The following TSPEAR variants were observed in gnomAD, a reference collection of about 807,000 sequenced individuals.
TSPEAR encodes the protein thrombospondin-type laminin G domain and EAR repeat-containing protein.
In TSPEAR, 69 loss-of-function variants were observed where a neutral mutation model predicts 71.6. That is an observed-to-expected ratio of 0.96 (90% CI 0.79 to 1.18). The LOEUF (loss-of-function observed/expected upper bound fraction) is 1.18. Ranked by LOEUF, TSPEAR falls within the 50% of genes most tolerant of loss-of-function variation. The pLI is 0.00. For synonymous variants in TSPEAR, 402 were observed against 387.2 expected, an observed-to-expected ratio of 1.04 and a Z score of -0.45; for missense variants, 971 against 894.9, an observed-to-expected ratio of 1.09 and a Z score of -1.09.
At chr21:44,568,881 G>A (rs1219636789) in intron 1 of TSPEAR, among the ~76,000 whole-genome samples, 1 of 152,166 alleles carries the variant, frequency 6.6e-6, no homozygotes, top group Non-Finnish European at 1.5e-5. Context: ...AGGGTGTTGG[G>A]TCAGTCCACT....
rs781890752 is a variant in TSPEAR at position 44,579,818 on chromosome 21, G to T, written c.83-11813C>A. 5.6e-6 allele frequency: 9 copies of T among 1,609,970 alleles called. No homozygotes were observed. In the South Asian group the frequency reaches 8.9e-5, roughly 16 times the overall value. ...GCAGAGGAGGGACACGCAGGAGGCC[G>T]GGCGGCAGCAGCTGGCCTGGTAGGA... is the stretch of plus-strand genomic sequence containing the variant. On this transcript the variant is annotated intron_variant, in intron 1 of 11. Coordinates refer to ENST00000323084, the MANE Select transcript of TSPEAR (RefSeq NM_144991.3).
intron 1 of TSPEAR, chr21:44,637,453 C>T (rs587736574): frequency 6.2e-7 from 1 of 1,612,594 alleles, no homozygotes; most frequent in East Asian, 2.2e-5. Flanking sequence ...GCTCCAGCGC[C>T]TGCACTGACT....
chr21:44,694,578 A>T (rs1270580224), intron 1 of TSPEAR, among the ~76,000 whole-genome samples: 1 of 152,232 alleles, frequency 6.6e-6, no homozygotes, highest in East Asian at 1.9e-4. Flanking sequence ...TATGCTATGT[A>T]TATTTTACCA....
intron 2 of TSPEAR, among the ~76,000 whole-genome samples, chr21:44,538,490 G>A (rs1452132344): frequency 2.1e-5 from 3 of 145,758 alleles, no homozygotes; most frequent in Admixed American, 6.9e-5. Flanking sequence ...GCCTCCATCC[G>A]CCCACCCCAT....
chr21:44,582,049 C>T (rs1274290664), intron 1 of TSPEAR, among the ~76,000 whole-genome samples: 1 of 152,090 alleles, frequency 6.6e-6, no homozygotes, highest in Non-Finnish European at 1.5e-5. Context: ...AGAGGTTGTG[C>T]GAGAACTGTG....
intron 1 of TSPEAR, among the ~76,000 whole-genome samples, chr21:44,688,955 C>T (rs1291492591): frequency 6.6e-6 from 1 of 152,108 alleles, no homozygotes; most frequent in Non-Finnish European, 1.5e-5. Context: ...GGGCTCCCAT[C>T]GCTTTTACTC....
chr21:44,540,295 G>T, intron 2 of TSPEAR: 1 of 1,350,484 alleles, frequency 7.4e-7, no homozygotes, highest in Non-Finnish European at 1.0e-6. Flanking sequence ...TGTTGTTCCA[G>T]GGCCCACAGC....
intron 2 of TSPEAR, among the ~76,000 whole-genome samples, chr21:44,538,398 C>T (rs587708995): frequency 6.8e-6 from 1 of 147,424 alleles, no homozygotes; most frequent in Admixed American, 6.9e-5. Context: ...GGCTCCTTGT[C>T]CCTACACCTG....
Position 44,682,204 on chromosome 21 carries a change from A to G in TSPEAR, c.82+29229T>C, listed in dbSNP as rs368599627. 3.5e-4 allele frequency: 522 copies of G among 1,508,582 alleles called. 9 individuals are homozygous for G. In the South Asian group the frequency reaches 6.0e-3, roughly 17 times the overall value. 93.4% of individuals were successfully genotyped at this position (1,508,582 alleles called of 1,614,324 possible). ...CTCCCTGGGTAGCCTTTATACCTGG[A>G]CCCAGGCATCCCCACAGCACAGAAG... On this transcript the variant is annotated intron_variant, in intron 1 of 11. Transcript: ENST00000323084.
Position 44,612,111 on chromosome 21 carries a change from C to T in TSPEAR, c.83-44106G>A. The T allele has an allele frequency of 1.2e-6, 2 of 1,613,388 alleles. No individual in the cohort carries two copies. The highest frequency in any genetic ancestry group is 1.7e-6 in the Non-Finnish European group (2 of 1,179,700). ...AGTCCAGCACCCACCATGGCTGACG[C>T]CTGCTGCACCAGGACGTATGTGATT... On this transcript the variant is annotated intron_variant, in intron 1 of 11. Coordinates refer to ENST00000323084, the MANE Select transcript of TSPEAR (RefSeq NM_144991.3). This position sits in a 1 kb window ranked among gnomAD's most constrained non-coding sequence, Gnocchi z 4.1.
At chr21:44,622,754 A>G (rs1320764516) in intron 1 of TSPEAR, among the ~76,000 whole-genome samples, 1 of 152,180 alleles carries the variant, frequency 6.6e-6, no homozygotes, top group African/African-American at 2.4e-5. Context: ...ATCTACAAAG[A>G]CCCTATTTCT....
chr21:44,599,167 T>TCTCTCTCTCTCTCTCTCTCTCTCC (rs1246750490), intron 1 of TSPEAR, among the ~76,000 whole-genome samples: 1 of 137,568 alleles, frequency 7.3e-6, no homozygotes, highest in Non-Finnish European at 1.5e-5. Context: ...TCTCTCTCTC[T>TCTCTCTCTCTCTCTCTCTCTCTCC]CTCTCCTTCC....
At chr21:44,652,920 G>T (rs1984897738) in intron 1 of TSPEAR, among the ~76,000 whole-genome samples, 1 of 152,180 alleles carries the variant, frequency 6.6e-6, no homozygotes, top group East Asian at 1.9e-4. Flanking sequence ...ACTTTGGGAG[G>T]CCGAGGCGGG....
intron 1 of TSPEAR, among the ~76,000 whole-genome samples, chr21:44,659,731 A>C (rs782682113): frequency 2.6e-5 from 4 of 152,178 alleles, no homozygotes; most frequent in Non-Finnish European, 5.9e-5. Context: ...GGCTGCAGTG[A>C]GCTGAGATTG....
chr21:44,551,509 TGTGTGTGA>T lies in TSPEAR; in HGVS notation c.303+16268_303+16275del, dbSNP rs1470326413. 1.9e-6 allele frequency: 3 copies of T among 1,543,406 alleles called. No homozygotes were observed. The African/African-American group carries it at 4.2e-5, about 21-fold the overall frequency. ...GGGGAGGTGTGTGAGTGAGTGAGTG[TGTGTGTGA>T]GTGTGTGAGTGAGTGTGTGTGTGAG... On this transcript the variant is annotated intron_variant, in intron 2 of 11. Coordinates refer to ENST00000323084, the MANE Select transcript of TSPEAR (RefSeq NM_144991.3).
intron 11 of TSPEAR, 140 bp from the exon 12 acceptor site, chr21:44,500,076 G>A (rs1271574259): frequency 1.1e-5 from 9 of 847,816 alleles, no homozygotes; most frequent in South Asian, 3.7e-5. Context: ...CTGGCACAGC[G>A]TGGGGAGATC....
chr21:44,563,445 T>A (rs233260), intron 2 of TSPEAR, among the ~76,000 whole-genome samples: 1 of 152,116 alleles, frequency 6.6e-6, no homozygotes, highest in Admixed American at 6.5e-5. Flanking sequence ...TCAAAATAAG[T>A]ATATGGTAAA....
intron 1 of TSPEAR, among the ~76,000 whole-genome samples, chr21:44,578,168 A>G (rs144267): frequency 0.92 from 140,389 of 152,236 alleles, 65,107 homozygotes; most frequent in Non-Finnish European, 0.97. Context: ...TATTAGCACC[A>G]TGAAAATGAA....
At chr21:44,524,150 G>C (rs587694699) in intron 8 of TSPEAR, among the ~76,000 whole-genome samples, 2 of 151,796 alleles carry the variant, frequency 1.3e-5, no homozygotes, top group African/African-American at 4.8e-5. Flanking sequence ...TAGTCAGTCA[G>C]CTAGTCAAGT....
Sources: allele counts gnomAD v4.1 joint callset (sites outside exome capture counted in the v4.1 genomes callset), GRCh38; gene constraint gnomAD v4.1.1; non-coding constraint Gnocchi (gnomAD v3.1); transcripts MANE v1.5; gene names NCBI Gene and HGNC (gene_info 2026-07-23, HGNC 2026-07-21).